SUPT3H: variants seen among roughly 807,000 people sequenced by gnomAD.
The protein encoded by SUPT3H is SPT3 homolog, SAGA and STAGA complex component.
In SUPT3H, 44 loss-of-function variants were observed where a neutral mutation model predicts 44.3. The ratio of observed to expected loss-of-function variants is 0.99; its 90% CI spans 0.78 to 1.28. SUPT3H has a LOEUF of 1.28. SUPT3H is among the 50% of genes most tolerant of loss of function. The pLI, the probability that SUPT3H is intolerant of heterozygous loss-of-function variation, is 0.00. For missense variants in SUPT3H, 380 were observed against 387.1 expected, an observed-to-expected ratio of 0.98 and a Z score of 0.15; for synonymous variants, 124 against 125.6, an observed-to-expected ratio of 0.99 and a Z score of 0.09.
At chr6:45,203,094 T>C (rs1398989566) in intron 2 of SUPT3H, among the ~76,000 whole-genome samples, 1 of 151,970 alleles carries the variant, frequency 6.6e-6, no homozygotes, top group Non-Finnish European at 1.5e-5. Flanking sequence ...TGGAGGAAGA[T>C]CTCGAAATAA....
At chr6:45,371,830 C>T in intron 1 of SUPT3H, 4 of 984,046 alleles carry the variant, frequency 4.1e-6, no homozygotes, top group Non-Finnish European at 4.8e-6. Flanking sequence ...GACATCTGAG[C>T]AGACTTCAGA....
chr6:45,302,558 C>CATATATAT lies in SUPT3H; in HGVS notation c.101+62642_101+62643insATATATAT, dbSNP rs1562914804. ...ATATATATATATATATATATATATG[C>CATATATAT]ATGCCACAATTTATTTATCTACTTA... On this transcript the variant is annotated intron_variant, in intron 2 of 10. Transcript: ENST00000371459. Among the ~76,000 whole-genome samples the CATATATAT allele has an allele frequency of 2.0e-3, 146 of 73,718 alleles. 2 individuals carry two copies. Among genetic ancestry groups the CATATATAT allele is most frequent in the Middle Eastern group, 0.011 (1 of 94 alleles). The allele number at this position is 73,718 out of a possible 152,430, so 48.4% of individuals were successfully genotyped here. A position where few individuals can be genotyped will look rare whatever the true frequency, so the allele number is the denominator to read the frequency against.
At chr6:45,149,780 A>G (rs1183540666) in intron 2 of SUPT3H, among the ~76,000 whole-genome samples, 4 of 152,176 alleles carry the variant, frequency 2.6e-5, no homozygotes, top group Non-Finnish European at 5.9e-5. Context: ...AATTCCAAAT[A>G]TCTCTATGTT....
rs371235058 is a variant in SUPT3H, at chr6:44,888,466, C to A, written c.912+44187G>T. Among the ~76,000 whole-genome samples the A allele has an allele frequency of 7.4e-4, 112 of 152,162 alleles. 2 individuals are homozygous for A. In the East Asian group the frequency reaches 0.016, roughly 22 times the overall value. Reference sequence around the variant, plus strand: ...GGATGCAAGGCTGGTTCAACATACGCAAATCAATAAAAGTAATCCAGCATA... The same window carrying A: ...GGATGCAAGGCTGGTTCAACATACGAAAATCAATAAAAGTAATCCAGCATA... On this transcript the variant is annotated intron_variant, in intron 10 of 10. Transcript: ENST00000371459.
At chr6:45,158,439 C>T (rs965664387) in intron 2 of SUPT3H, among the ~76,000 whole-genome samples, 12 of 150,590 alleles carry the variant, frequency 8.0e-5, no homozygotes, top group Admixed American at 1.3e-4. Flanking sequence ...AGCATACCTA[C>T]GACTGGCAAT....
chr6:45,280,293 G>A (rs145011502), intron 2 of SUPT3H, among the ~76,000 whole-genome samples: 2,656 of 152,116 alleles, frequency 0.017, 50 homozygotes, highest in South Asian at 0.084. Context: ...CTTGAGGTTA[G>A]GATTTTGAGA....
intron 1 of SUPT3H, among the ~76,000 whole-genome samples, chr6:45,371,185 CA>C (rs1297249218): frequency 6.6e-6 from 1 of 152,110 alleles, no homozygotes; most frequent in East Asian, 1.9e-4. Flanking sequence ...CCTTAAAAAT[CA>C]AAACTCTCTT....
intron 3 of SUPT3H, among the ~76,000 whole-genome samples, chr6:45,023,267 A>C (rs1425999975): frequency 1.3e-5 from 2 of 152,080 alleles, no homozygotes; most frequent in African/African-American, 4.8e-5. Context: ...AAAGTCAAAA[A>C]AAAAAAACAA....
chr6:45,213,244 A>C (rs2153631466), intron 2 of SUPT3H, among the ~76,000 whole-genome samples: 1 of 152,328 alleles, frequency 6.6e-6, no homozygotes, highest in Admixed American at 6.5e-5. Context: ...GGACCCCTAA[A>C]GGCAAGCATT....
intron 10 of SUPT3H, among the ~76,000 whole-genome samples, chr6:44,860,529 C>A (rs115266292): frequency 6.6e-6 from 1 of 152,178 alleles, no homozygotes; most frequent in Non-Finnish European, 1.5e-5. Flanking sequence ...AATGGCCGGA[C>A]TGGGAGTAGA....
At chr6:45,065,090 C>T (rs1393748630) in intron 3 of SUPT3H, among the ~76,000 whole-genome samples, 1 of 150,744 alleles carries the variant, frequency 6.6e-6, no homozygotes, top group Admixed American at 6.6e-5. Flanking sequence ...TGTAAAAGAA[C>T]AGAAATTATA....
At chr6:45,058,295 G>T (rs1791452385) in intron 3 of SUPT3H, among the ~76,000 whole-genome samples, 1 of 151,982 alleles carries the variant, frequency 6.6e-6, no homozygotes, top group Non-Finnish European at 1.5e-5. Context: ...TTTAGCAATT[G>T]ATTTCTTATA....
downstream of SUPT3H, among the ~76,000 whole-genome samples, chr6:44,826,155 C>A (rs776683591): frequency 6.6e-6 from 1 of 152,182 alleles, no homozygotes; most frequent in South Asian, 2.1e-4. Context: ...TTAACGACAT[C>A]TGGCCCTTAT....
At position 45,085,586 on chromosome 6, in the gene SUPT3H, T is replaced by C. The variant is rs76631822; in HGVS notation, c.186+20336A>G. ...TATGGAAAAAATTATTCAGAAATTA[T>C]GGAAATCCACCCAAAAACCTGATTA... is the stretch of plus-strand genomic sequence containing the variant. On this transcript the variant is annotated intron_variant, in intron 3 of 10. Coordinates refer to ENST00000371459, the MANE Select transcript of SUPT3H (RefSeq NM_003599.4). Among the ~76,000 whole-genome samples the C allele has an allele frequency of 5.5e-3, 834 of 152,280 alleles. 12 individuals carry two copies. The highest frequency in any genetic ancestry group is 0.019 in the African/African-American group (800 of 41,566).
At chr6:45,243,919 T>C (rs1770859070) in intron 2 of SUPT3H, among the ~76,000 whole-genome samples, 2 of 152,212 alleles carry the variant, frequency 1.3e-5, no homozygotes, top group Admixed American at 1.3e-4. Flanking sequence ...TCTCACTCTG[T>C]CACCCAGGCT....
chr6:45,272,976 A>T (rs1776443410), intron 2 of SUPT3H, among the ~76,000 whole-genome samples: 1 of 152,186 alleles, frequency 6.6e-6, no homozygotes, highest in African/African-American at 2.4e-5. Context: ...TCATACTAGT[A>T]AATACACATT....
chr6:44,996,687 A>G (rs889249300), intron 6 of SUPT3H, among the ~76,000 whole-genome samples: 1 of 151,934 alleles, frequency 6.6e-6, no homozygotes, highest in Non-Finnish European at 1.5e-5. Flanking sequence ...CCCACAGTGT[A>G]TTTGACAACA....
chr6:45,089,931 T>A (rs553301931), intron 3 of SUPT3H, among the ~76,000 whole-genome samples: 279 of 152,234 alleles, frequency 1.8e-3, no homozygotes, highest in African/African-American at 6.5e-3. Context: ...ATTACTCAGT[T>A]TGAAATTCAA....
chr6:44,918,066 A>G (rs902511456), intron 10 of SUPT3H, among the ~76,000 whole-genome samples: 2 of 152,176 alleles, frequency 1.3e-5, no homozygotes, highest in African/African-American at 4.8e-5. Context: ...CTAGAAAATT[A>G]GTTCAAAATG....
Sources: allele counts gnomAD v4.1 joint callset (sites outside exome capture counted in the v4.1 genomes callset), GRCh38; gene constraint gnomAD v4.1.1; transcripts MANE v1.5; gene names NCBI Gene and HGNC (gene_info 2026-07-23, HGNC 2026-07-21).